SFI1: variants seen among roughly 807,000 people sequenced by gnomAD.
SFI1 encodes protein SFI1 homolog.
Under a neutral mutation model 207.5 loss-of-function variants are expected in SFI1, and 195 were observed. The ratio of observed to expected loss-of-function variants is 0.94; its 90% CI spans 0.84 to 1.06. The LOEUF (loss-of-function observed/expected upper bound fraction) is 1.06, where lower values mean the gene tolerates loss of function less well. Ranked by LOEUF, SFI1 falls within the 50% of genes least tolerant of loss-of-function variation. The pLI, the probability that SFI1 is intolerant of heterozygous loss-of-function variation, is 0.00. For synonymous variants in SFI1, 630 were observed against 598.9 expected, an observed-to-expected ratio of 1.05 and a Z score of -0.76; for missense variants, 1,634 against 1,588.0, an observed-to-expected ratio of 1.03 and a Z score of -0.49.
At chr22:31,565,017 G>T (rs554060555) in intron 8 of SFI1, among the ~76,000 whole-genome samples, 183 of 148,648 alleles carry the variant, frequency 1.2e-3, no homozygotes, top group Non-Finnish European at 1.5e-3. Context: ...TGGAGATGGG[G>T]TTTCACCATG....
intron 6 of SFI1, among the ~76,000 whole-genome samples, chr22:31,553,161 C>T (rs969592759): frequency 6.6e-6 from 1 of 152,134 alleles, no homozygotes; most frequent in African/African-American, 2.4e-5. Context: ...TAATAACAGT[C>T]GTTCTGACTA....
chr22:31,573,249 A>T (rs768046042), intron 9 of SFI1, 35 bp downstream of exon 9: 1 of 1,607,024 alleles, frequency 6.2e-7, no homozygotes, highest in South Asian at 1.1e-5. Context: ...GAGATAGAGG[A>T]TCTGGTCACA....
At chr22:31,538,053 C>CT (rs1187812381) in intron 4 of SFI1, among the ~76,000 whole-genome samples, 1 of 152,148 alleles carries the variant, frequency 6.6e-6, no homozygotes, top group Admixed American at 6.6e-5. Flanking sequence ...CTCACTGCAA[C>CT]TTTCGCTTCC....
At chr22:31,565,414 G>A (rs1473955069) in intron 8 of SFI1, among the ~76,000 whole-genome samples, 3 of 151,770 alleles carry the variant, frequency 2.0e-5, no homozygotes, top group Non-Finnish European at 4.4e-5. Flanking sequence ...TTAAAAAGGC[G>A]GGAGGGGTCA....
At chr22:31,508,780 A>T (rs887471126) in intron 2 of SFI1, among the ~76,000 whole-genome samples, 2 of 152,068 alleles carry the variant, frequency 1.3e-5, no homozygotes, top group African/African-American at 4.8e-5. Context: ...CAGCCTCTGT[A>T]TAACTCTCCC....
intron 7 of SFI1, chr22:31,559,869 G>T: frequency 4.5e-6 from 3 of 669,744 alleles, no homozygotes; most frequent in South Asian, 1.4e-5. Context: ...TGGGGCCTTC[G>T]TGTCCGAGGC....
chr22:31,507,279 G>T (rs992470106), intron 1 of SFI1, among the ~76,000 whole-genome samples: 1 of 152,130 alleles, frequency 6.6e-6, no homozygotes, highest in African/African-American at 2.4e-5. Flanking sequence ...TTAATAACAG[G>T]TGCTGGGAGA....
rs753748915 is a variant in SFI1 at position 31,557,058 on chromosome 22, C to T, written c.661C>T (p.Arg221Trp). Residue 221 changes from arginine to tryptophan, a missense_variant and splice_region_variant, in exon 7 of 33, where the codon CGG becomes TGG. Physicochemically the swap from Arg to Trp is moderately radical, Grantham distance 101. Transcript: ENST00000400288. ...ALEFRQRIIL[R>W]VWWSTWRQRL... ...GGAGTTTAGGCAACGGATTATCTTA[C>T]GGTGAGTCTGCTCAACTGCCCTACA... 19 of 1,588,670 alleles carry T rather than the reference C, an allele frequency of 1.2e-5. No individual in the cohort carries two copies. The highest frequency in any genetic ancestry group is 7.0e-5 in the Admixed American group (4 of 57,244).
intron 2 of SFI1, among the ~76,000 whole-genome samples, chr22:31,524,639 T>G (rs1414502121): frequency 6.6e-6 from 1 of 151,896 alleles, no homozygotes; most frequent in Non-Finnish European, 1.5e-5. Flanking sequence ...GGTGTTAAAT[T>G]CCTGGACCGA....
chr22:31,555,225 C>T (rs1218150465), intron 6 of SFI1, among the ~76,000 whole-genome samples: 5 of 152,186 alleles, frequency 3.3e-5, no homozygotes, highest in East Asian at 1.9e-4. Flanking sequence ...CGGTGGCTCA[C>T]GCCTATAATC....
intron 15 of SFI1, among the ~76,000 whole-genome samples, chr22:31,595,835 C>G (rs142789533): frequency 6.6e-6 from 1 of 152,250 alleles, no homozygotes; most frequent in East Asian, 1.9e-4. Flanking sequence ...GATATTTGAG[C>G]AGGTACATGG....
At position 31,602,796 on chromosome 22, in the gene SFI1, A is replaced by G. The variant is rs1643744471; in HGVS notation, c.1805+11A>G. On this transcript the variant is annotated intron_variant, in intron 17 of 32. Coordinates refer to ENST00000400288, the MANE Select transcript of SFI1 (RefSeq NM_001007467.3). ...AGGGCTCAGAACAGAGTGAGTGGCC[A>G]GTTCTGCCTTACAAGCCTTTCCATC... The G allele has an allele frequency of 1.6e-5, 26 of 1,611,154 alleles. No homozygotes were observed. Among genetic ancestry groups the G allele is most frequent in the Non-Finnish European group, 2.0e-5 (23 of 1,178,936 alleles).
intron 5 of SFI1, among the ~76,000 whole-genome samples, chr22:31,549,371 A>G (rs1297198655): frequency 6.8e-6 from 1 of 146,740 alleles, no homozygotes; most frequent in East Asian, 2.0e-4. Context: ...TGAATTTGAG[A>G]CAGAGTCTCG....
At chr22:31,578,908 A>G (rs1234245736) in intron 11 of SFI1, among the ~76,000 whole-genome samples, 1 of 152,188 alleles carries the variant, frequency 6.6e-6, no homozygotes, top group Non-Finnish European at 1.5e-5. Flanking sequence ...CCAGTCTGAT[A>G]TCTTCACTTC....
intron 10 of SFI1, among the ~76,000 whole-genome samples, chr22:31,577,736 A>G (rs1457895531): frequency 6.6e-6 from 1 of 152,156 alleles, no homozygotes; most frequent in East Asian, 1.9e-4. Flanking sequence ...GTCTCTTAAA[A>G]AAGAAAAGAA....
intron 6 of SFI1, 85 bp downstream of exon 6, chr22:31,550,433 A>G (rs942966289): frequency 5.8e-6 from 6 of 1,041,162 alleles, no homozygotes; most frequent in Non-Finnish European, 8.7e-6. Flanking sequence ...ATTGTCTCAG[A>G]GAGAGAGGAA....
intron 24 of SFI1, chr22:31,612,399 ATATATATATATATATAT>A (rs2070457415): frequency 1.8e-5 from 1 of 57,108 alleles, no homozygotes; most frequent in South Asian, 7.2e-4. Flanking sequence ...AAAAAAAAAA[ATATATATATATATATAT>A]ATATATATAT....
Position 31,589,582 on chromosome 22 carries a change from G to C in SFI1, c.1544+5G>C. On this transcript the variant is annotated splice_donor_5th_base_variant and intron_variant, in intron 15 of 32. Transcript: ENST00000400288. Reference sequence around the variant, plus strand: ...AAGAGCAACACGTTTCCACAGGTATGTTGCGCAGCTCCTGTCTGCACTGGG... The same window carrying C: ...AAGAGCAACACGTTTCCACAGGTATCTTGCGCAGCTCCTGTCTGCACTGGG... 6.2e-7 allele frequency: 1 copy of C among 1,610,920 alleles called. No homozygotes were observed. The highest frequency in any genetic ancestry group is 1.1e-5 in the South Asian group (1 of 90,464).
intron 4 of SFI1, among the ~76,000 whole-genome samples, chr22:31,535,527 A>G (rs145586099): frequency 0.026 from 3,487 of 133,280 alleles, 125 homozygotes; most frequent in African/African-American, 0.091. Flanking sequence ...TTGCTGAGAC[A>G]GAGTCTCGCT....
Sources: gnomAD v4.1 joint callset for allele counts (sites outside exome capture counted in the v4.1 genomes callset) on GRCh38, gnomAD v4.1.1 for gene constraint, MANE v1.5 for transcripts, NCBI Gene and HGNC (gene_info 2026-07-23, HGNC 2026-07-21) for gene names.